The following CHRNA6 variants were observed in gnomAD, a reference collection of about 807,000 sequenced individuals.
CHRNA6 encodes neuronal acetylcholine receptor subunit alpha-6.
A neutral mutation model predicts 40.9 loss-of-function variants in CHRNA6; 31 were observed. That is an observed-to-expected ratio of 0.76 (90% confidence interval 0.57 to 1.02). The LOEUF (loss-of-function observed/expected upper bound fraction) is 1.02. Ranked by LOEUF, CHRNA6 falls within the 50% of genes least tolerant of loss-of-function variation. CHRNA6 has a pLI of 0.00. For missense variants in CHRNA6, 546 were observed against 596.6 expected (o/e 0.92, Z 0.88); for synonymous variants, 222 against 221.3 (o/e 1.00, Z -0.03).
chr8:42,765,435 G>A (rs1387237063), intron 1 of CHRNA6, among the ~76,000 whole-genome samples: 1 of 152,172 alleles, frequency 6.6e-6, no homozygotes, highest in African/African-American at 2.4e-5. Flanking sequence ...CTGCATTTCA[G>A]GACTAGAGCA....
chr8:42,766,626 A>C lies in CHRNA6; in HGVS notation c.80-1422T>G, dbSNP rs532220640. The stretch of plus-strand genomic sequence containing the variant: ...TGCTTGAAGCCGTTATCCTCAGCAA[A>C]CTAACACAGGAACAAAAAACCAAAC... On this transcript the variant is annotated intron_variant, in intron 1 of 5. Transcript: ENST00000276410. Among the ~76,000 whole-genome samples the C allele has an allele frequency of 4.5e-4, 69 of 152,330 alleles. 2 individuals carry two copies. Among genetic ancestry groups the C allele is most frequent in the Middle Eastern group, 3.4e-3 (1 of 294 alleles).
rs1237043171 is a variant in CHRNA6 at position 42,752,753 on chromosome 8, T to A, written c.*426A>T. 1 of 159,452 alleles carries A rather than the reference T, an allele frequency of 6.3e-6. No individual in the cohort carries two copies. The highest frequency in any genetic ancestry group is 1.9e-4 in the East Asian group (1 of 5,302). The allele number at this position is 159,452 out of a possible 1,614,324, so 9.9% of individuals were successfully genotyped here. On this transcript the variant is annotated 3_prime_UTR_variant, in exon 6 of 6. Coordinates refer to ENST00000276410, the MANE Select transcript of CHRNA6 (RefSeq NM_004198.3). The stretch of plus-strand genomic sequence containing the variant: ...CAAAGTGTTGCAAACAGTTCACAAA[T>A]GTTGCATGGTCCAATTCCCAGAGTT...
intron 1 of CHRNA6, among the ~76,000 whole-genome samples, chr8:42,766,267 T>G (rs926742219): frequency 3.3e-5 from 5 of 151,996 alleles, no homozygotes; most frequent in African/African-American, 9.7e-5. Context: ...CTGAGGCGGT[T>G]GGATCACAAG....
At chr8:42,764,862 T>G in intron 2 of CHRNA6, 1 of 569,624 alleles carries the variant, frequency 1.8e-6, no homozygotes, top group South Asian at 2.4e-5. Context: ...CGTAAACTGG[T>G]TCTCAAAGCA....
At chr8:42,760,238 C>T (rs962223622) in intron 2 of CHRNA6, among the ~76,000 whole-genome samples, 3 of 152,086 alleles carry the variant, frequency 2.0e-5, no homozygotes, top group Non-Finnish European at 4.4e-5. Flanking sequence ...CTCATACACA[C>T]GCACACTCAT....
intron 3 of CHRNA6, among the ~76,000 whole-genome samples, 184 bp downstream of exon 3, chr8:42,758,885 C>CT (rs1816851801): frequency 6.6e-6 from 1 of 152,162 alleles, no homozygotes; most frequent in Non-Finnish European, 1.5e-5. Context: ...ACCTTTGTCA[C>CT]TAAGTGTCTG....
At chr8:42,754,009 A>G (rs1816758126) in intron 5 of CHRNA6, among the ~76,000 whole-genome samples, 1 of 152,082 alleles carries the variant, frequency 6.6e-6, no homozygotes, top group Non-Finnish European at 1.5e-5. Context: ...ATGATTGAGA[A>G]CCACTTTATC....
At chr8:42,766,793 A>T (rs1816981977) in intron 1 of CHRNA6, among the ~76,000 whole-genome samples, 1 of 152,202 alleles carries the variant, frequency 6.6e-6, no homozygotes, top group Non-Finnish European at 1.5e-5. Context: ...GCTGGGCTTA[A>T]TACCTAGGTG....
At chr8:42,760,587 C>T (rs1816890391) in intron 2 of CHRNA6, among the ~76,000 whole-genome samples, 1 of 151,718 alleles carries the variant, frequency 6.6e-6, no homozygotes, top group South Asian at 2.1e-4. Flanking sequence ...GGCTCACACA[C>T]TGGTGCACAT....
chr8:42,756,145 C>A lies in CHRNA6; in HGVS notation c.1054G>T (p.Val352Phe). The change falls in exon 5 of 6, where the codon GTC (valine) becomes TTC (phenylalanine). Residue 352 changes from valine (V) to phenylalanine (F), a missense_variant. Val to Phe is a conservative substitution (Grantham distance 50). Coordinates refer to ENST00000276410, the MANE Select transcript of CHRNA6 (RefSeq NM_004198.3). ...KTVFLKLLPQ[V>F]LLMRWPLDKT... ...TCCAGAGGCCACCTCATCAGCAGGA[C>A]CTGGGGCAGCAGCTTCAGGAAAACT... 3 of 1,614,264 alleles carry A rather than the reference C, an allele frequency of 1.9e-6. No homozygotes were observed. Among genetic ancestry groups the A allele is most frequent in the Non-Finnish European group, 1.7e-6 (2 of 1,180,052 alleles).
Position 42,753,265 on chromosome 8 carries a change from A to G in CHRNA6, c.1399T>C (p.Phe467Leu). The G allele has an allele frequency of 6.2e-7, 1 of 1,612,712 alleles. No individual in the cohort carries two copies. ...CAGACAATTATAAATACCCAAAGAA[A>G]TACTCTGTCCACCACCATGGCCACG... Reference protein sequence around the residue: ...KYVAMVVDRVFLWVFIIVCVF... With the variant: ...KYVAMVVDRVLLWVFIIVCVF... The change falls in exon 6 of 6, where the codon TTT (phenylalanine) becomes CTT (leucine). Residue 467 changes from phenylalanine to leucine, a missense_variant. This residue lies in a region of CHRNA6 where 65 missense variants were observed against 83.8 expected (regional missense o/e 0.78). Transcript: ENST00000276410.
chr8:42,758,383 CAG>C (rs1325939632), intron 3 of CHRNA6, among the ~76,000 whole-genome samples: 1 of 150,588 alleles, frequency 6.6e-6, no homozygotes, highest in Non-Finnish European at 1.5e-5. Context: ...GTTTTCAAGA[CAG>C]AGTCTCGCTC....
chr8:42,765,279 C>T, intron 1 of CHRNA6, 75 bp from the exon 2 acceptor site: 7 of 1,538,650 alleles, frequency 4.5e-6, no homozygotes, highest in Non-Finnish European at 6.2e-6. Context: ...GGCAATTCTT[C>T]CCGGGCCCTG....
At chr8:42,764,528 T>C (rs1202009693) in intron 2 of CHRNA6, among the ~76,000 whole-genome samples, 1 of 152,158 alleles carries the variant, frequency 6.6e-6, no homozygotes, top group Non-Finnish European at 1.5e-5. Context: ...GATCTTGCTA[T>C]GTCGTTCAGG....
intron 5 of CHRNA6, among the ~76,000 whole-genome samples, chr8:42,754,234 C>T (rs1428314794): frequency 6.6e-6 from 1 of 152,088 alleles, no homozygotes; most frequent in African/African-American, 2.4e-5. Context: ...GGCTGAAGTG[C>T]AGTGGTGCGA....
At chr8:42,753,686 A>C (rs1816754762) in intron 5 of CHRNA6, among the ~76,000 whole-genome samples, 1 of 152,178 alleles carries the variant, frequency 6.6e-6, no homozygotes, top group Non-Finnish European at 1.5e-5. Context: ...AAAATAAATA[A>C]AAATGAAAAT....
At chr8:42,758,991 TTGGAGA>T in intron 3 of CHRNA6, 72 bp downstream of exon 3, 1 of 1,080,234 alleles carries the variant, frequency 9.3e-7, no homozygotes, top group South Asian at 1.3e-5. Context: ...CTATAACCAG[TTGGAGA>T]TGGAACAAGG....
chr8:42,763,741 G>A (rs1461818770), intron 2 of CHRNA6, among the ~76,000 whole-genome samples: 5 of 152,216 alleles, frequency 3.3e-5, no homozygotes, highest in Admixed American at 6.5e-5. Flanking sequence ...GCGCATCCAG[G>A]TGAGGGGAAA....
intron 2 of CHRNA6, 29 bp downstream of exon 2, chr8:42,765,036 G>A (rs773733077): frequency 6.2e-7 from 1 of 1,604,040 alleles, no homozygotes; most frequent in Non-Finnish European, 8.5e-7. Context: ...TAACAATGCT[G>A]GGGAAAGCTC....
Sources: gnomAD v4.1 joint callset for allele counts (sites outside exome capture counted in the v4.1 genomes callset) on GRCh38, gnomAD v4.1.1 for gene constraint, gnomAD v4.1.1 regional missense constraint, MANE v1.5 for transcripts, NCBI Gene and HGNC (gene_info 2026-07-23, HGNC 2026-07-21) for gene names.